The following DLC1 variants were observed in gnomAD, a reference collection of about 807,000 sequenced individuals.
DLC1 encodes the protein rho GTPase-activating protein 7.
DLC1 carries 54 observed loss-of-function variants against 140.3 expected under a neutral mutation model. The observed-to-expected ratio is 0.38, with a 90% CI of 0.31 to 0.48. The LOEUF (loss-of-function observed/expected upper bound fraction) is 0.48. DLC1 is among the 20% of genes least tolerant of loss of function. The pLI is 0.96. For missense variants in DLC1, 2,536 were observed against 1,907.0 expected, an observed-to-expected ratio of 1.33 and a Z score of -6.14; for synonymous variants, 986 against 728.1, an observed-to-expected ratio of 1.35 and a Z score of -5.70.
chr8:13,548,979 C>A (rs1292866846), intron 1 of DLC1, among the ~76,000 whole-genome samples: 1 of 152,010 alleles, frequency 6.6e-6, no homozygotes, highest in Admixed American at 6.6e-5. Context: ...TGTACTTTGT[C>A]CCCTCAATTT....
At chr8:13,499,021 A>G in intron 2 of DLC1, 28 bp downstream of exon 2, 1 of 1,545,444 alleles carries the variant, frequency 6.5e-7, no homozygotes. Context: ...AAATTTCAAA[A>G]GCCAGAGAAT....
chr8:13,142,136 G>A (rs1260880552), intron 5 of DLC1, among the ~76,000 whole-genome samples: 1 of 152,226 alleles, frequency 6.6e-6, no homozygotes, highest in Non-Finnish European at 1.5e-5. Context: ...ACTTGCTTCT[G>A]CTTCAGCTTC....
intron 5 of DLC1, among the ~76,000 whole-genome samples, chr8:13,290,194 G>C (rs995223547): frequency 6.6e-6 from 1 of 152,110 alleles, no homozygotes; most frequent in African/African-American, 2.4e-5. Context: ...TTGTTTTGCC[G>C]TACACACTTT....
chr8:13,405,165 T>C (rs1330235891), intron 2 of DLC1, among the ~76,000 whole-genome samples: 1 of 152,110 alleles, frequency 6.6e-6, no homozygotes, highest in African/African-American at 2.4e-5. Flanking sequence ...ACTTTCAGAC[T>C]CAGAACTGCA....
intron 8 of DLC1, 79 bp from the exon 9 acceptor site, chr8:13,100,849 A>C: frequency 7.0e-7 from 1 of 1,425,362 alleles, no homozygotes; most frequent in Non-Finnish European, 9.3e-7. Flanking sequence ...GAGGCTGCTC[A>C]TAATATGCCA....
intron 2 of DLC1, among the ~76,000 whole-genome samples, chr8:13,442,652 G>C (rs1398686770): frequency 6.6e-6 from 1 of 152,188 alleles, no homozygotes; most frequent in Non-Finnish European, 1.5e-5. Context: ...AAACCACAAT[G>C]AGATACCATC....
chr8:13,587,770 A>C (rs568248697), intron 1 of DLC1, among the ~76,000 whole-genome samples: 49 of 151,988 alleles, frequency 3.2e-4, no homozygotes, highest in Non-Finnish European at 5.6e-4. Flanking sequence ...CAGAGAACTA[A>C]AATAATGTGC....
At chr8:13,236,142 T>C (rs11993565) in intron 5 of DLC1, among the ~76,000 whole-genome samples, 8,022 of 152,088 alleles carry the variant, frequency 0.053, 491 homozygotes, top group African/African-American at 0.15. Flanking sequence ...ATACTGAAGG[T>C]AGAATCTATT....
chr8:13,116,374 G>A (rs1436743693), intron 5 of DLC1: 1 of 308,166 alleles, frequency 3.2e-6, no homozygotes, highest in African/African-American at 2.3e-5. Flanking sequence ...AAACTCACTG[G>A]AGCACATATT....
At chr8:13,134,079 T>G (rs2128965768) in intron 5 of DLC1, among the ~76,000 whole-genome samples, 1 of 152,330 alleles carries the variant, frequency 6.6e-6, no homozygotes, top group Non-Finnish European at 1.5e-5. Context: ...ATTCCAATCT[T>G]TGATGATGAG....
intron 3 of DLC1, among the ~76,000 whole-genome samples, chr8:13,395,765 G>A (rs764588306): frequency 7.5e-6 from 1 of 133,756 alleles, no homozygotes; most frequent in Non-Finnish European, 1.6e-5. Flanking sequence ...GTGTGTGCGT[G>A]TGCGTGTGTG....
intron 1 of DLC1, among the ~76,000 whole-genome samples, chr8:13,547,747 C>A (rs1038808057): frequency 6.6e-6 from 1 of 152,044 alleles, no homozygotes; most frequent in African/African-American, 2.4e-5. Flanking sequence ...ATCTATCAAT[C>A]CCTAACTTCA....
At position 13,411,313 on chromosome 8, in the gene DLC1, G is replaced by A. The variant is rs963562832; in HGVS notation, c.1024-9694C>T. 3.3e-5 allele frequency among the ~76,000 whole-genome samples: 5 copies of A among 152,156 alleles called. 1 individual carries two copies. The highest frequency in any genetic ancestry group is 2.1e-4 in the South Asian group (1 of 4,834). ...ACTAAGTGAAAGAAGTCAGTCTGAC[G>A]AGCTATCTACTGAATAATTCCAATT... is the stretch of plus-strand genomic sequence containing the variant. On this transcript the variant is annotated intron_variant, in intron 2 of 17. Coordinates refer to ENST00000276297, the MANE Select transcript of DLC1 (RefSeq NM_182643.3).
At chr8:13,123,888 A>T (rs1821333896) in intron 5 of DLC1, among the ~76,000 whole-genome samples, 1 of 152,186 alleles carries the variant, frequency 6.6e-6, no homozygotes, top group South Asian at 2.1e-4. Flanking sequence ...TCTGACCAGG[A>T]TCCCCAATAG....
At chr8:13,593,820 G>C (rs1429166863) in intron 1 of DLC1, among the ~76,000 whole-genome samples, 3 of 152,102 alleles carry the variant, frequency 2.0e-5, no homozygotes, top group African/African-American at 7.2e-5. Context: ...ACATCCTTGA[G>C]GTGGTGTGGG....
chr8:13,285,004 T>C (rs935630368), intron 5 of DLC1, among the ~76,000 whole-genome samples: 11 of 152,212 alleles, frequency 7.2e-5, no homozygotes. Flanking sequence ...GTTTTTTTGT[T>C]TGTCTGTTTG....
intron 4 of DLC1, among the ~76,000 whole-genome samples, chr8:13,337,021 G>C (rs1374988627): frequency 2.0e-5 from 3 of 152,120 alleles, no homozygotes; most frequent in African/African-American, 7.2e-5. Context: ...TCTGGTCAAA[G>C]GCAAAAGGAA....
chr8:13,466,593 A>T (rs891739477), intron 2 of DLC1, among the ~76,000 whole-genome samples: 6 of 152,188 alleles, frequency 3.9e-5, no homozygotes, highest in African/African-American at 1.4e-4. Flanking sequence ...GAAGTATCCC[A>T]TGGAGGCACC....
In DLC1 at chr8:13,176,954, T is replaced by C. The variant is rs528411819; in HGVS notation, c.1349-61297A>G. ...AGGATGGTGGGCGGCTTCCAGGAGCTGGGAACAGCAAGGAGACAGTTCTCT... is the reference window on the plus strand; with the variant it reads ...AGGATGGTGGGCGGCTTCCAGGAGCCGGGAACAGCAAGGAGACAGTTCTCT... On this transcript the variant is annotated intron_variant, in intron 5 of 17. Transcript: ENST00000276297. 3.9e-5 allele frequency among the ~76,000 whole-genome samples: 6 copies of C among 152,264 alleles called. No individual in the cohort carries two copies. In the South Asian group the frequency reaches 8.3e-4, roughly 21 times the overall value.
Sources: allele counts gnomAD v4.1 joint callset (sites outside exome capture counted in the v4.1 genomes callset), GRCh38; gene constraint gnomAD v4.1.1; transcripts MANE v1.5; gene names NCBI Gene and HGNC (gene_info 2026-07-23, HGNC 2026-07-21).